The following PITRM1 variants were observed in gnomAD, a reference collection of about 807,000 sequenced individuals.
PITRM1 encodes the protein pitrilysin metallopeptidase 1.
Under a neutral mutation model 129.9 loss-of-function variants are expected in PITRM1, and 100 were observed. That is an observed-to-expected ratio of 0.77 (90% confidence interval 0.65 to 0.91). The LOEUF is 0.91. PITRM1 is among the 40% of genes least tolerant of loss of function. The probability of loss-of-function intolerance (pLI) is 0.00; values close to 1 mark genes in which losing one functional copy is unlikely to be tolerated. For missense variants in PITRM1, 1,471 were observed against 1,318.3 expected, an observed-to-expected ratio of 1.12 and a Z score of -1.79; for synonymous variants, 591 against 508.8, an observed-to-expected ratio of 1.16 and a Z score of -2.17.
intron 18 of PITRM1, 82 bp from the exon 19 acceptor site, chr10:3,147,819 C>T: frequency 7.3e-7 from 1 of 1,377,898 alleles, no homozygotes; most frequent in Non-Finnish European, 9.9e-7. Context: ...ATTAAGTTTT[C>T]AGAGTACTTT....
At position 3,137,890 on chromosome 10, in the gene PITRM1, G is replaced by GT. The variant is rs1839697048; in HGVS notation, c.*140dup. ...CTGGTCACTCTTAAGATAGATCTGA[G>GT]TTTTTGACTCGCCAGTCAAGGGCTT... On this transcript the variant is annotated 3_prime_UTR_variant, in exon 27 of 27. Transcript: ENST00000224949. 2 of 614,916 alleles carry GT rather than the reference G, an allele frequency of 3.3e-6. No individual in the cohort carries two copies. 38.1% of individuals were successfully genotyped at this position (614,916 alleles called of 1,614,324 possible). A position where few individuals can be genotyped will look rare whatever the true frequency, so the allele number is the denominator to read the frequency against.
In PITRM1 at chr10:3,151,280, T is replaced by C. The variant is rs748784937; in HGVS notation, c.1705A>G (p.Ile569Val). ...ACCACGTCCAACTCTGTGACAGGTA[T>C]GGTGGGTTCAATATCGGAAACTTTC... ...ALKVSDIEPT[I>V]PVTELDVVLT... The change falls in exon 15 of 27, where the codon ATA (isoleucine) becomes GTA (valine). Residue 569 changes from isoleucine to valine, a missense_variant. Coordinates refer to ENST00000224949, the MANE Select transcript of PITRM1 (RefSeq NM_014889.4). 1.4e-5 allele frequency: 22 copies of C among 1,608,596 alleles called. No homozygotes were observed. The Admixed American group carries it at 3.2e-4, about 23-fold the overall frequency.
chr10:3,150,949 C>G (rs985240546), intron 15 of PITRM1, among the ~76,000 whole-genome samples: 21 of 152,036 alleles, frequency 1.4e-4, no homozygotes, highest in Admixed American at 9.2e-4. Flanking sequence ...GCGCTTCACA[C>G]AGTCACAGCG....
At chr10:3,165,364 G>A in intron 5 of PITRM1, 30 bp from the exon 6 acceptor site, 1 of 1,598,418 alleles carries the variant, frequency 6.3e-7, no homozygotes, top group Non-Finnish European at 8.5e-7. Flanking sequence ...AGCTGATAGT[G>A]ACTCAAATAC....
At chr10:3,151,912 ATTTTT>A (rs1841558469) in intron 14 of PITRM1, among the ~76,000 whole-genome samples, 1 of 149,866 alleles carries the variant, frequency 6.7e-6, no homozygotes, top group Admixed American at 6.7e-5. Context: ...ATTTCTGTTT[ATTTTT>A]ATTTTTTTTT....
Position 3,147,689 on chromosome 10 carries a change from G to T in PITRM1, c.2118C>A (p.Thr706=). The T allele has an allele frequency of 9.9e-6, 16 of 1,612,746 alleles. No individual in the cohort carries two copies. The highest frequency in any genetic ancestry group is 1.4e-5 in the Non-Finnish European group (16 of 1,179,396). The change falls in exon 19 of 27, where the codon ACC becomes ACA. Residue 706 remains threonine (T), a synonymous_variant. Coordinates refer to ENST00000224949, the MANE Select transcript of PITRM1 (RefSeq NM_014889.4). ...GAATTCCATTGGCGAGCTCCTGGGC[G>T]GTCATCTTCACCAGCACCTTGAAGT... ...EEHFKVLVKM[T]AQELANGIPD...
intron 1 of PITRM1, among the ~76,000 whole-genome samples, chr10:3,171,113 A>C (rs1843294608): frequency 7.3e-6 from 1 of 137,048 alleles, no homozygotes; most frequent in African/African-American, 2.6e-5. Flanking sequence ...GTGTATCGAC[A>C]GAGAATGGAT....
chr10:3,162,091 G>A (rs889790595), intron 7 of PITRM1, among the ~76,000 whole-genome samples: 1 of 151,186 alleles, frequency 6.6e-6, no homozygotes, highest in East Asian at 2.0e-4. Flanking sequence ...CCAGGAGGCT[G>A]AGGCTGCAGT....
chr10:3,170,717 C>T (rs752624567), intron 1 of PITRM1, among the ~76,000 whole-genome samples: 7 of 152,090 alleles, frequency 4.6e-5, no homozygotes, highest in African/African-American at 7.2e-5. Context: ...CTGAAGAGGC[C>T]GGGCGTGGTG....
intron 23 of PITRM1, chr10:3,141,865 C>G (rs1297081544): frequency 4.4e-6 from 1 of 228,524 alleles, no homozygotes; most frequent in Non-Finnish European, 9.2e-6. Context: ...AACCCAGCGC[C>G]ACTCGGGTGG....
At chr10:3,162,155 C>G (rs1214000784) in intron 7 of PITRM1, among the ~76,000 whole-genome samples, 1 of 38,182 alleles carries the variant, frequency 2.6e-5, no homozygotes, top group African/African-American at 7.4e-5. Context: ...CAGACCCTGT[C>G]TTTAAAAAAA....
chr10:3,170,055 A>G, intron 2 of PITRM1, 49 bp downstream of exon 2: 2 of 1,387,312 alleles, frequency 1.4e-6, no homozygotes, highest in Non-Finnish European at 2.1e-6. Context: ...CAGAAGCCGC[A>G]CCTGCAATGT....
At chr10:3,162,934 A>C (rs1423034369) in intron 7 of PITRM1, among the ~76,000 whole-genome samples, 1 of 152,112 alleles carries the variant, frequency 6.6e-6, no homozygotes, top group Non-Finnish European at 1.5e-5. Flanking sequence ...AGTTTTAAGA[A>C]AGTATGTTTT....
chr10:3,153,868 G>T (rs983512611), intron 14 of PITRM1, among the ~76,000 whole-genome samples: 1 of 152,208 alleles, frequency 6.6e-6, no homozygotes, highest in East Asian at 1.9e-4. Context: ...GTAAGTGCAT[G>T]TGTGTATGTG....
Position 3,138,344 on chromosome 10 carries a change from G to A in PITRM1, c.2918-7C>T, listed in dbSNP as rs1327901072. On this transcript the variant is annotated splice_polypyrimidine_tract_variant and splice_region_variant and intron_variant, in intron 25 of 26. Coordinates refer to ENST00000224949, the MANE Select transcript of PITRM1 (RefSeq NM_014889.4). ...TACAAGAAGTGGTCCATTCCTAGAA[G>A]ACAATCCACAGGCACGATGGAGCCG... is the stretch of plus-strand genomic sequence containing the variant. 6 of 1,604,418 alleles carry A rather than the reference G, an allele frequency of 3.7e-6. No individual in the cohort carries two copies. In the South Asian group the frequency reaches 6.6e-5, roughly 18 times the overall value.
chr10:3,145,943 T>C (rs935786874), intron 20 of PITRM1: 1 of 525,070 alleles, frequency 1.9e-6, no homozygotes, highest in Non-Finnish European at 3.4e-6. Flanking sequence ...AAGCCGTCCA[T>C]ACGCGGAGCC....
In PITRM1 at chr10:3,148,173, G is replaced by C. The variant is rs1173574972; in HGVS notation, c.1990C>G (p.Gln664Glu). ...PDDSHMDTYE[Q>E]GVLFSSLCLD... Reference sequence around the variant, plus strand: ...GTCGTCTGACGGTACCAGGCTACCTGCTCGTAGGTGTCCATGTGTGAGTCG... The same window carrying C: ...GTCGTCTGACGGTACCAGGCTACCTCCTCGTAGGTGTCCATGTGTGAGTCG... Residue 664 changes from glutamine (Q) to glutamate (E), a missense_variant and splice_region_variant, in exon 17 of 27, where the codon CAG becomes GAG. By Grantham distance (29) the Gln-to-Glu change is conservative (BLOSUM62 2). Coordinates refer to ENST00000224949, the MANE Select transcript of PITRM1 (RefSeq NM_014889.4). The C allele has an allele frequency of 6.2e-7, 1 of 1,613,864 alleles. No individual in the cohort carries two copies. Among genetic ancestry groups the C allele is most frequent in the African/African-American group, 1.3e-5 (1 of 74,932 alleles).
chr10:3,150,818 C>T (rs1841446826), intron 15 of PITRM1, among the ~76,000 whole-genome samples: 1 of 152,160 alleles, frequency 6.6e-6, no homozygotes, highest in African/African-American at 2.4e-5. Context: ...ACCTGGTCTC[C>T]AACTTCCTTT....
Position 3,157,527 on chromosome 10 carries a change from CT to C in PITRM1, c.1254del (p.Gly419AspfsTer18). 1 of 1,583,556 alleles carries C rather than the reference CT, an allele frequency of 6.3e-7. No homozygotes were observed. Among genetic ancestry groups the C allele is most frequent in the Non-Finnish European group, 8.7e-7 (1 of 1,155,614 alleles). ...GCCTCAATTCGATCATCTTCAAATC[CT>C]TTCCTAAAGAATACAATGAAGAACA... ...IDRTIDEVVE[K>X]GFEDDRIEAL... On this transcript the variant is annotated frameshift_variant, in exon 12 of 27. Coordinates refer to ENST00000224949, the MANE Select transcript of PITRM1 (RefSeq NM_014889.4). LOFTEE classifies it high-confidence loss of function.
Sources: allele counts gnomAD v4.1 joint callset (sites outside exome capture counted in the v4.1 genomes callset), GRCh38; gene constraint gnomAD v4.1.1; transcripts MANE v1.5; gene names NCBI Gene and HGNC (gene_info 2026-07-23, HGNC 2026-07-21).